The following RCAN2 variants were observed in gnomAD, a reference collection of about 807,000 sequenced individuals.
RCAN2 encodes the protein calcipressin-2.
RCAN2 carries 9 observed loss-of-function variants against 23.6 expected under a neutral mutation model. The observed-to-expected ratio is 0.38, with a 90% CI of 0.23 to 0.67. The LOEUF (loss-of-function observed/expected upper bound fraction) is 0.67. Ranked by LOEUF, RCAN2 falls within the 30% of genes least tolerant of loss-of-function variation. The probability of loss-of-function intolerance (pLI) is 0.51; values close to 1 mark genes in which losing one functional copy is unlikely to be tolerated. For missense variants in RCAN2, 273 were observed against 302.3 expected, an observed-to-expected ratio of 0.90 and a Z score of 0.72; for synonymous variants, 109 against 115.7, an observed-to-expected ratio of 0.94 and a Z score of 0.37.
At chr6:46,258,701 C>T (rs529940893) in intron 2 of RCAN2, among the ~76,000 whole-genome samples, 65 of 152,208 alleles carry the variant, frequency 4.3e-4, no homozygotes, top group African/African-American at 1.5e-3. Flanking sequence ...TTCCCAGTAG[C>T]GGTCCTAAAG....
At chr6:46,359,015 A>G (rs1408297210) in intron 2 of RCAN2, among the ~76,000 whole-genome samples, 1 of 152,228 alleles carries the variant, frequency 6.6e-6, no homozygotes, top group African/African-American at 2.4e-5. Context: ...GTTAGTTCTC[A>G]TGTAGTTAGT....
intron 2 of RCAN2, among the ~76,000 whole-genome samples, chr6:46,299,254 A>G (rs920184793): frequency 6.6e-6 from 1 of 152,054 alleles, no homozygotes; most frequent in Non-Finnish European, 1.5e-5. Flanking sequence ...CACCTAACTT[A>G]AAGAAGTAGA....
chr6:46,448,758 G>A (rs1461102573), intron 2 of RCAN2, among the ~76,000 whole-genome samples: 1 of 151,836 alleles, frequency 6.6e-6, no homozygotes, highest in Non-Finnish European at 1.5e-5. Context: ...AACAGAAAAA[G>A]CATTTGACAA....
intron 2 of RCAN2, among the ~76,000 whole-genome samples, chr6:46,430,329 G>A (rs894888755): frequency 1.3e-5 from 2 of 152,152 alleles, no homozygotes; most frequent in South Asian, 2.1e-4. Context: ...CTTCTGAGTG[G>A]AAAAACTGGA....
intron 2 of RCAN2, among the ~76,000 whole-genome samples, chr6:46,294,823 A>G (rs1025774929): frequency 1.3e-5 from 2 of 152,184 alleles, no homozygotes; most frequent in East Asian, 3.9e-4. Context: ...TTATGTGTCC[A>G]ACGCATTGTC....
intron 2 of RCAN2, among the ~76,000 whole-genome samples, chr6:46,377,752 G>C (rs1243191034): frequency 6.6e-6 from 1 of 152,130 alleles, no homozygotes; most frequent in Non-Finnish European, 1.5e-5. Flanking sequence ...ATTTTGACAA[G>C]TTCAGGAAGT....
intron 2 of RCAN2, among the ~76,000 whole-genome samples, chr6:46,251,623 T>C (rs2150320092): frequency 6.6e-6 from 1 of 152,186 alleles, no homozygotes; most frequent in South Asian, 2.1e-4. Context: ...TTTCATTTCA[T>C]ATTTCATTTT....
chr6:46,413,642 T>C (rs1766614237), intron 2 of RCAN2, among the ~76,000 whole-genome samples: 2 of 152,236 alleles, frequency 1.3e-5, no homozygotes, highest in South Asian at 4.1e-4. Flanking sequence ...ATGGATCCCT[T>C]AGATCAGAGC....
chr6:46,398,673 C>G (rs1766158723), intron 2 of RCAN2, among the ~76,000 whole-genome samples: 1 of 152,014 alleles, frequency 6.6e-6, no homozygotes. Flanking sequence ...CTAGTAAAAA[C>G]CATAGATCCC....
intron 4 of RCAN2, among the ~76,000 whole-genome samples, chr6:46,239,986 G>T (rs1006606742): frequency 1.3e-5 from 2 of 152,184 alleles, no homozygotes; most frequent in Non-Finnish European, 2.9e-5. Flanking sequence ...AACCACAGAG[G>T]GGAAAGAGGT....
At chr6:46,445,121 C>T (rs778976276) in intron 2 of RCAN2, among the ~76,000 whole-genome samples, 7 of 152,158 alleles carry the variant, frequency 4.6e-5, no homozygotes, top group Admixed American at 1.3e-4. Flanking sequence ...CCTAGAAAGC[C>T]TCTTCAGACT....
chr6:46,310,985 A>G (rs570941338), intron 2 of RCAN2, among the ~76,000 whole-genome samples: 2 of 152,352 alleles, frequency 1.3e-5, no homozygotes, highest in African/African-American at 4.8e-5. Flanking sequence ...AATTTAGAGA[A>G]GAGGCAATAA....
At chr6:46,454,986 G>T (rs1173537736) in intron 2 of RCAN2, among the ~76,000 whole-genome samples, 1 of 152,146 alleles carries the variant, frequency 6.6e-6, no homozygotes, top group African/African-American at 2.4e-5. Flanking sequence ...TATTTAATCA[G>T]GAAAGAATGA....
chr6:46,368,224 G>C (rs552493812), intron 2 of RCAN2, among the ~76,000 whole-genome samples: 1 of 152,246 alleles, frequency 6.6e-6, no homozygotes, highest in Admixed American at 6.5e-5. Flanking sequence ...TTACTTCTTA[G>C]ACATACTTTT....
intron 2 of RCAN2, among the ~76,000 whole-genome samples, chr6:46,370,518 G>A (rs1049259634): frequency 1.3e-5 from 2 of 152,188 alleles, no homozygotes; most frequent in African/African-American, 4.8e-5. Flanking sequence ...AGAAAGAGTT[G>A]GAGGTAGTTT....
chr6:46,308,145 G>A (rs1763127675), intron 2 of RCAN2, among the ~76,000 whole-genome samples: 1 of 152,054 alleles, frequency 6.6e-6, no homozygotes, highest in African/African-American at 2.4e-5. Context: ...TGTGACTTGG[G>A]AGCTCCTTCA....
intron 2 of RCAN2, chr6:46,438,563 G>C (rs1020248217): frequency 2.6e-5 from 4 of 152,500 alleles, no homozygotes; most frequent in Admixed American, 6.5e-5. Context: ...GCGGAGGTGA[G>C]AGGAGCTGAA....
intron 4 of RCAN2, among the ~76,000 whole-genome samples, chr6:46,236,134 T>C (rs1009809474): frequency 1.3e-5 from 2 of 152,222 alleles, no homozygotes; most frequent in African/African-American, 4.8e-5. Flanking sequence ...ACTAATCTGA[T>C]TACATCACAC....
intron 4 of RCAN2, among the ~76,000 whole-genome samples, chr6:46,240,769 G>C (rs905095852): frequency 4.6e-5 from 7 of 152,018 alleles, no homozygotes; most frequent in Non-Finnish European, 7.4e-5. Context: ...TTTAGTATAG[G>C]TTACATTAGT....
Sources: gnomAD v4.1 joint callset for allele counts (sites outside exome capture counted in the v4.1 genomes callset) on GRCh38, gnomAD v4.1.1 for gene constraint, MANE v1.5 for transcripts, NCBI Gene and HGNC (gene_info 2026-07-23, HGNC 2026-07-21) for gene names.